ZMYM2: variants seen among roughly 807,000 people sequenced by gnomAD.
The protein encoded by ZMYM2 is zinc finger MYM-type protein 2.
Under a neutral mutation model 162.8 loss-of-function variants are expected in ZMYM2, and 56 were observed. The observed-to-expected ratio is 0.34, with a 90% CI of 0.28 to 0.43. ZMYM2 has a LOEUF of 0.43. Ranked by LOEUF, ZMYM2 falls within the 20% of genes least tolerant of loss-of-function variation. The pLI is 1.00. For synonymous variants in ZMYM2, 510 were observed against 541.6 expected, an observed-to-expected ratio of 0.94 and a Z score of 0.81; for missense variants, 1,275 against 1,621.8, an observed-to-expected ratio of 0.79 and a Z score of 3.67.
chr13:19,909,305 G>C, the ZMYM2 span, among the ~76,000 whole-genome samples: 1,555 of 152,198 alleles, frequency 0.01, 33 homozygotes, highest in African/African-American at 0.036. Context: ...CTGGAATTCA[G>C]TGATGACTTT....
rs2141080441 is a variant in ZMYM2, at chr13:20,085,827, A to G, written c.3947A>G (p.Gln1316Arg). ...TTTTCCTCCCGCCTCCAAAGTCCAC[A>G]GAATCTTAATCAGAGGATGGATGTT... ...MFECYLSKSPQNLNQRMDVFY... is the reference protein window; with the variant it reads ...MFECYLSKSPRNLNQRMDVFY... The change falls in exon 25 of 25, where the codon CAG (glutamine) becomes CGG (arginine). Residue 1316 changes from glutamine to arginine, a missense_variant. Coordinates refer to ENST00000610343, the MANE Select transcript of ZMYM2 (RefSeq NM_197968.4). 1 of 1,594,602 alleles carries G rather than the reference A, an allele frequency of 6.3e-7. No homozygotes were observed. Among genetic ancestry groups the G allele is most frequent in the South Asian group, 1.1e-5 (1 of 87,694 alleles).
At chr13:19,898,884 G>T in the ZMYM2 span, among the ~76,000 whole-genome samples, 1 of 151,826 alleles carries the variant, frequency 6.6e-6, no homozygotes, top group South Asian at 2.1e-4. Context: ...AGTGAGCCAT[G>T]ATCACGCCAC....
upstream of ZMYM2, among the ~76,000 whole-genome samples, chr13:19,958,159 C>T (rs759263267): frequency 3.9e-5 from 6 of 152,208 alleles, no homozygotes; most frequent in Non-Finnish European, 7.3e-5. Context: ...GATTCCAGTT[C>T]ACCCGCGGTC....
At chr13:19,950,353 T>G in the ZMYM2 span, among the ~76,000 whole-genome samples, 3 of 152,216 alleles carry the variant, frequency 2.0e-5, no homozygotes, top group African/African-American at 7.2e-5. Flanking sequence ...TACTGGTAAA[T>G]TAAGTTTAGC....
At chr13:20,037,603 G>A (rs1953846437) in intron 12 of ZMYM2, among the ~76,000 whole-genome samples, 1 of 152,100 alleles carries the variant, frequency 6.6e-6, no homozygotes, top group Non-Finnish European at 1.5e-5. Flanking sequence ...AAAACATCTT[G>A]CTCTTTTTTG....
intron 5 of ZMYM2, among the ~76,000 whole-genome samples, chr13:20,005,454 G>A (rs556892717): frequency 3.3e-5 from 5 of 151,758 alleles, no homozygotes; most frequent in East Asian, 3.9e-4. Flanking sequence ...GGATGATTTC[G>A]GAAAAATCAT....
intron 5 of ZMYM2, among the ~76,000 whole-genome samples, chr13:20,006,143 G>A (rs1950724203): frequency 1.3e-5 from 2 of 151,878 alleles, no homozygotes; most frequent in African/African-American, 2.4e-5. Context: ...TGAGGTAGGA[G>A]GATTGCTTGA....
chr13:19,978,338 TCTTC>T lies in ZMYM2; in HGVS notation c.-10-14721_-10-14718del, dbSNP rs1956973829. On this transcript the variant is annotated intron_variant, in intron 2 of 24. Transcript: ENST00000610343. ...ACTCTACTGCTGTACTTCTCTGTCCTCTTCCTTTGTAATATTATTGTCATAGATT... is the reference window on the plus strand; with the variant it reads ...ACTCTACTGCTGTACTTCTCTGTCCTCTTTGTAATATTATTGTCATAGATT... Among the ~76,000 whole-genome samples the T allele has an allele frequency of 2.0e-5, 3 of 150,800 alleles. No individual in the cohort carries two copies. The South Asian group carries it at 6.4e-4, about 32-fold the overall frequency.
chr13:20,024,872 A>C, intron 7 of ZMYM2: 1 of 215,740 alleles, frequency 4.6e-6, no homozygotes, highest in African/African-American at 2.2e-5. Flanking sequence ...TGAAAAGCAA[A>C]GTTGAGGGCT....
At chr13:19,958,546 G>A (rs1040757698), upstream of ZMYM2, 1 of 152,432 alleles carries the variant, frequency 6.6e-6, no homozygotes, top group Non-Finnish European at 1.5e-5. Context: ...AGGGCCGGGG[G>A]AGTGGCCCGC....
the ZMYM2 span, among the ~76,000 whole-genome samples, chr13:19,870,240 C>T: frequency 7.7e-3 from 1,172 of 152,290 alleles, 7 homozygotes; most frequent in Non-Finnish European, 0.011. Context: ...ACTGCAACTT[C>T]CGCCTCCTGG....
intron 2 of ZMYM2, among the ~76,000 whole-genome samples, chr13:19,964,860 C>G (rs1459457106): frequency 1.3e-5 from 2 of 151,892 alleles, no homozygotes; most frequent in African/African-American, 4.8e-5. Flanking sequence ...AAATTGTAAT[C>G]AGGATAAATT....
upstream of ZMYM2, among the ~76,000 whole-genome samples, chr13:19,957,808 C>T (rs1294465812): frequency 1.3e-5 from 2 of 152,146 alleles, no homozygotes; most frequent in Non-Finnish European, 2.9e-5. Flanking sequence ...GAGCCCAGCT[C>T]CAGGGGAGCC....
chr13:19,978,643 G>C (rs899400557), intron 2 of ZMYM2, among the ~76,000 whole-genome samples: 1 of 151,912 alleles, frequency 6.6e-6, no homozygotes. Flanking sequence ...TGAAACTCCC[G>C]ACCTCAGGTG....
At chr13:19,951,007 AT>A in the ZMYM2 span, among the ~76,000 whole-genome samples, 1 of 152,116 alleles carries the variant, frequency 6.6e-6, no homozygotes, top group Admixed American at 6.5e-5. Flanking sequence ...AAAACGTAAG[AT>A]TTTTTTGTGT....
the ZMYM2 span, among the ~76,000 whole-genome samples, chr13:19,916,036 T>C: frequency 6.7e-6 from 1 of 148,508 alleles, no homozygotes; most frequent in Non-Finnish European, 1.5e-5. Context: ...ATTTTTTCTA[T>C]TTTTTTAGCA....
At chr13:20,006,728 ATAC>A (rs1365194179) in intron 6 of ZMYM2, 142 bp downstream of exon 6, 1 of 864,830 alleles carries the variant, frequency 1.2e-6, no homozygotes, top group African/African-American at 1.7e-5. Context: ...ATCATGGAGC[ATAC>A]TGAATGCATA....
intron 6 of ZMYM2, among the ~76,000 whole-genome samples, chr13:20,018,944 G>A (rs1302973778): frequency 2.0e-5 from 3 of 152,008 alleles, no homozygotes; most frequent in African/African-American, 7.2e-5. Context: ...GCCAGGCGTA[G>A]TGGCAGGCGC....
At chr13:19,934,109 T>C in the ZMYM2 span, among the ~76,000 whole-genome samples, 1 of 152,180 alleles carries the variant, frequency 6.6e-6, no homozygotes, top group African/African-American at 2.4e-5. Flanking sequence ...ATGTCATACA[T>C]TTTACTTATT....
Sources: gnomAD v4.1 joint callset for allele counts (sites outside exome capture counted in the v4.1 genomes callset) on GRCh38, gnomAD v4.1.1 for gene constraint, MANE v1.5 for transcripts, NCBI Gene and HGNC (gene_info 2026-07-23, HGNC 2026-07-21) for gene names.